The following REPS1 variants were observed in gnomAD, a reference collection of about 807,000 sequenced individuals.
REPS1 encodes the protein RALBP1 associated Eps domain containing 1.
REPS1 carries 39 observed loss-of-function variants against 100.9 expected under a neutral mutation model. The ratio of observed to expected loss-of-function variants is 0.39; its 90% CI spans 0.30 to 0.50. The LOEUF (loss-of-function observed/expected upper bound fraction) is 0.50, where lower values mean the gene tolerates loss of function less well. REPS1 is among the 20% of genes least tolerant of loss of function. The pLI is 0.86. For synonymous variants in REPS1, 324 were observed against 340.3 expected (o/e 0.95, Z 0.53); for missense variants, 821 against 968.5 (o/e 0.85, Z 2.02).
chr6:138,939,554 C>T (rs1188883), intron 8 of REPS1, among the ~76,000 whole-genome samples: 54,405 of 152,034 alleles, frequency 0.36, 11,756 homozygotes, highest in Admixed American at 0.51. Flanking sequence ...ACGACAGAAT[C>T]AGACAAGCCT....
chr6:138,905,457 A>G lies in REPS1; in HGVS notation c.2323-325T>C, dbSNP rs921203121. ...CAGGCGCCCGCCACCGCGCCCGGCT[A>G]ATTTTTTGTATTTTTAGTAGAGACG... On this transcript the variant is annotated intron_variant, in intron 19 of 19. Coordinates refer to ENST00000450536, the MANE Select transcript of REPS1 (RefSeq NM_001286611.2). Among the ~76,000 whole-genome samples, 25 of 143,642 alleles carry G rather than the reference A, an allele frequency of 1.7e-4. No homozygotes were observed. The East Asian group carries it at 4.9e-3, about 28-fold the overall frequency. The allele number at this position is 143,642 out of a possible 152,430, so 94.2% of individuals were successfully genotyped here.
At chr6:138,938,539 T>G (rs1181697462) in intron 8 of REPS1, among the ~76,000 whole-genome samples, 1 of 152,182 alleles carries the variant, frequency 6.6e-6, no homozygotes, top group African/African-American at 2.4e-5. Context: ...TCATCCAATA[T>G]TAGTGCAGTG....
chr6:138,945,080 T>C, intron 4 of REPS1, 139 bp downstream of exon 4: 1 of 639,748 alleles, frequency 1.6e-6, no homozygotes, highest in Non-Finnish European at 2.4e-6. Flanking sequence ...TTTCAAAAAA[T>C]CTCTAAGCCA....
In REPS1 at chr6:138,943,558, A is replaced by C; in HGVS notation, c.935T>G (p.Phe312Cys). The C allele has an allele frequency of 2.5e-6, 4 of 1,590,324 alleles. No individual in the cohort carries two copies. Among genetic ancestry groups the C allele is most frequent in the Non-Finnish European group, 3.4e-6 (4 of 1,159,592 alleles). ...AATAGGAAGTTTTGATTTTGTAAAA[A>C]ACTCTTTAGCTGCAGATCCTGAAAT... The part of the protein sequence containing the change: ...GFIPGSAAKE[F>C]FTKSKLPILE... The change falls in exon 7 of 20, where the codon TTT (phenylalanine) becomes TGT (cysteine). Residue 312 changes from phenylalanine to cysteine, a missense_variant. This residue lies in a region of REPS1 where 757 missense variants were observed against 866.4 expected (regional missense o/e 0.87). Transcript: ENST00000450536.
At chr6:138,965,097 G>T (rs1562559638) in intron 1 of REPS1, among the ~76,000 whole-genome samples, 1 of 152,074 alleles carries the variant, frequency 6.6e-6, no homozygotes, top group African/African-American at 2.4e-5. Context: ...CTTGCTTTAG[G>T]AAATATAAAC....
At chr6:138,939,725 C>G (rs1562536363) in intron 8 of REPS1, among the ~76,000 whole-genome samples, 1 of 152,134 alleles carries the variant, frequency 6.6e-6, no homozygotes, top group Non-Finnish European at 1.5e-5. Flanking sequence ...ATGTTCTTCT[C>G]TTTTGGTTAC....
At chr6:138,926,539 C>T (rs1383955258) in intron 9 of REPS1, 58 bp from the exon 10 acceptor site, 3 of 1,223,576 alleles carry the variant, frequency 2.5e-6, no homozygotes, top group Non-Finnish European at 3.6e-6. Context: ...TAAAAGATCA[C>T]TGGAGAAGAT....
intron 1 of REPS1, among the ~76,000 whole-genome samples, chr6:138,949,805 T>C (rs144379129): frequency 1.3e-5 from 2 of 152,300 alleles, no homozygotes; most frequent in African/African-American, 4.8e-5. Context: ...ATTCAATGAC[T>C]ATTTACTGAG....
chr6:138,912,566 C>A lies in REPS1; in HGVS notation c.1971+199G>T, dbSNP rs180687046. 1.8e-4 allele frequency: 107 copies of A among 590,638 alleles called. No homozygotes were observed. The Middle Eastern group carries it at 3.6e-3, about 20-fold the overall frequency. The allele number at this position is 590,638 out of a possible 1,614,324, so 36.6% of individuals were successfully genotyped here. A position where few individuals can be genotyped will look rare whatever the true frequency, so the allele number is the denominator to read the frequency against. On this transcript the variant is annotated intron_variant, in intron 16 of 19. Transcript: ENST00000450536. Reference sequence around the variant, plus strand: ...GTGTCTTTGCATGTGATATCAATCCCCCACCCCCACCAGACTCTGATACTT... The same window carrying A: ...GTGTCTTTGCATGTGATATCAATCCACCACCCCCACCAGACTCTGATACTT...
In REPS1 at chr6:138,907,610, T is replaced by TA. The variant is rs774875501; in HGVS notation, c.2217-11dup. The TA allele has an allele frequency of 1.3e-6, 2 of 1,559,316 alleles. No homozygotes were observed. The highest frequency in any genetic ancestry group is 1.8e-6 in the Non-Finnish European group (2 of 1,132,028). On this transcript the variant is annotated splice_polypyrimidine_tract_variant and intron_variant, in intron 18 of 19. Coordinates refer to ENST00000450536, the MANE Select transcript of REPS1 (RefSeq NM_001286611.2). Reference sequence around the variant, plus strand: ...ATCTTTCCCAACAGATCTGAGAAGATAAAGAAGGCAAAAAAACCCATAACC... The same window carrying TA: ...ATCTTTCCCAACAGATCTGAGAAGATAAAAGAAGGCAAAAAAACCCATAACC...
At chr6:138,957,454 A>G (rs1016520907) in intron 1 of REPS1, among the ~76,000 whole-genome samples, 1 of 152,266 alleles carries the variant, frequency 6.6e-6, no homozygotes, top group African/African-American at 2.4e-5. Flanking sequence ...GATCATGGAA[A>G]GAATGGACAT....
intron 9 of REPS1, 70 bp downstream of exon 9, chr6:138,929,907 T>C: frequency 1.3e-6 from 2 of 1,495,958 alleles, no homozygotes; most frequent in Non-Finnish European, 9.3e-7. Flanking sequence ...CAGACTGAAA[T>C]TGCCCTCTTT....
At chr6:138,920,349 C>T (rs1370829028) in intron 11 of REPS1, 33 bp from the exon 12 acceptor site, 28 of 1,178,460 alleles carry the variant, frequency 2.4e-5, no homozygotes, top group Non-Finnish European at 3.6e-5. Flanking sequence ...AAATACAAGA[C>T]ATAGGTATTT....
At position 138,912,798 on chromosome 6, in the gene REPS1, A is replaced by T; in HGVS notation, c.1938T>A (p.Asp646Glu). 6.2e-7 allele frequency: 1 copy of T among 1,614,166 alleles called. No individual in the cohort carries two copies. The highest frequency in any genetic ancestry group is 8.5e-7 in the Non-Finnish European group (1 of 1,180,034). Residue 646 changes from aspartate to glutamate, a missense_variant, in exon 16 of 20, where the codon GAT becomes GAA. Asp to Glu is a conservative substitution (Grantham distance 45). Coordinates refer to ENST00000450536, the MANE Select transcript of REPS1 (RefSeq NM_001286611.2). ...CTTCTGGATGTTTCTCGGCTTCATC[A>T]TCTTGTTCGTCGTTTACATTTGATG... ...FAASNVNDEQDDEAEKHPEVL... is the reference protein window; with the variant it reads ...FAASNVNDEQEDEAEKHPEVL...
intron 1 of REPS1, among the ~76,000 whole-genome samples, chr6:138,981,313 T>C (rs554786983): frequency 1.3e-5 from 2 of 152,352 alleles, no homozygotes; most frequent in South Asian, 4.1e-4. Context: ...TCTTAGAATT[T>C]ATCAAATCTC....
chr6:138,908,498 T>C (rs1050245218), intron 18 of REPS1, among the ~76,000 whole-genome samples, 170 bp downstream of exon 18: 1 of 152,186 alleles, frequency 6.6e-6, no homozygotes, highest in Non-Finnish European at 1.5e-5. Flanking sequence ...GGTTTCACCA[T>C]GTTGGTCAGG....
intron 7 of REPS1, among the ~76,000 whole-genome samples, chr6:138,941,700 T>C (rs1419736395): frequency 1.3e-5 from 2 of 152,170 alleles, no homozygotes; most frequent in Non-Finnish European, 2.9e-5. Context: ...TATGGTACTC[T>C]TCTTTAAGCT....
At chr6:138,961,212 TA>T (rs1279199836) in intron 1 of REPS1, among the ~76,000 whole-genome samples, 1 of 152,164 alleles carries the variant, frequency 6.6e-6, no homozygotes, top group African/African-American at 2.4e-5. Flanking sequence ...GATGTATGCT[TA>T]GGGTCAAATT....
At chr6:138,938,533 C>G (rs1043168669) in intron 8 of REPS1, among the ~76,000 whole-genome samples, 1 of 152,068 alleles carries the variant, frequency 6.6e-6, no homozygotes, top group Non-Finnish European at 1.5e-5. Context: ...ATTAATTCAT[C>G]CAATATTAGT....
Sources: gnomAD v4.1 joint callset for allele counts (sites outside exome capture counted in the v4.1 genomes callset) on GRCh38, gnomAD v4.1.1 for gene constraint, gnomAD v4.1.1 regional missense constraint, MANE v1.5 for transcripts, NCBI Gene and HGNC (gene_info 2026-07-23, HGNC 2026-07-21) for gene names.